The following XRCC5 variants were observed in gnomAD, a reference collection of about 807,000 sequenced individuals.
XRCC5 encodes X-ray repair cross complementing 5.
In XRCC5, 12 loss-of-function variants were observed where a neutral mutation model predicts 95.7. The ratio of observed to expected loss-of-function variants is 0.13; its 90% CI spans 0.08 to 0.20. XRCC5 has a LOEUF of 0.20. Ranked by LOEUF, XRCC5 falls within the 10% of genes least tolerant of loss-of-function variation. The probability of loss-of-function intolerance (pLI) is 1.00; values close to 1 mark genes in which losing one functional copy is unlikely to be tolerated. For synonymous variants in XRCC5, 281 were observed against 290.3 expected, an observed-to-expected ratio of 0.97 and a Z score of 0.33; for missense variants, 595 against 873.9, an observed-to-expected ratio of 0.68 and a Z score of 4.02.
At chr2:216,109,871 C>T (rs989988421) in intron 1 of XRCC5, among the ~76,000 whole-genome samples, 4 of 152,256 alleles carry the variant, frequency 2.6e-5, no homozygotes, top group Admixed American at 2.0e-4. Context: ...AAGCAACTAT[C>T]CCACAGGGCT....
intron 14 of XRCC5, chr2:216,156,642 G>A (rs1688848174): frequency 1.8e-6 from 1 of 556,244 alleles, no homozygotes; most frequent in Admixed American, 1.9e-5. Flanking sequence ...TACATATAGT[G>A]ACCCCAAATG....
At chr2:216,122,012 G>C (rs780385135) in intron 5 of XRCC5, 50 bp from the exon 6 acceptor site, 1 of 1,479,764 alleles carries the variant, frequency 6.8e-7, no homozygotes, top group Admixed American at 2.2e-5. Flanking sequence ...TAGCTGATGA[G>C]TTACAGTTAC....
intron 16 of XRCC5, among the ~76,000 whole-genome samples, chr2:216,173,196 A>G (rs56035134): frequency 0.15 from 23,376 of 152,076 alleles, 2,252 homozygotes; most frequent in South Asian, 0.28. Flanking sequence ...TTCTTCTTTT[A>G]TAACTTGTAA....
chr2:216,119,527 AT>A (rs925542773), intron 5 of XRCC5, among the ~76,000 whole-genome samples: 112 of 149,072 alleles, frequency 7.5e-4, no homozygotes, highest in African/African-American at 2.5e-3. Context: ...AGATTGATGG[AT>A]TTTTTTTTTT....
rs1688642437 is a variant in XRCC5 at position 216,146,715 on chromosome 2, G to T, written c.1477-1368G>T. On this transcript the variant is annotated intron_variant, in intron 13 of 20. Coordinates refer to ENST00000392132, the MANE Select transcript of XRCC5 (RefSeq NM_021141.4). ...CAAGGCCTGGCCCAGTAGACTTGAG[G>T]CAGGATAGGTGGTTGAATGAGGTGG... Among the ~76,000 whole-genome samples, 9 of 152,120 alleles carry T rather than the reference G, an allele frequency of 5.9e-5. No individual in the cohort carries two copies. The South Asian group carries it at 1.9e-3, about 32-fold the overall frequency.
intron 16 of XRCC5, among the ~76,000 whole-genome samples, chr2:216,187,994 C>A (rs990436234): frequency 1.3e-5 from 2 of 151,870 alleles, no homozygotes; most frequent in African/African-American, 4.8e-5. Context: ...CACGCTGTAC[C>A]CCTACCTCAG....
intron 19 of XRCC5, among the ~76,000 whole-genome samples, chr2:216,200,122 G>A (rs1033020798): frequency 1.3e-5 from 2 of 152,084 alleles, no homozygotes; most frequent in Non-Finnish European, 2.9e-5. Flanking sequence ...CTGGAATCCA[G>A]ACCCCCAGAT....
intron 16 of XRCC5, among the ~76,000 whole-genome samples, chr2:216,181,559 T>A (rs1020295300): frequency 1.2e-4 from 18 of 152,354 alleles, no homozygotes; most frequent in African/African-American, 4.1e-4. Context: ...TTCTTATCTT[T>A]ACCCCCAAAT....
chr2:216,131,046 T>C, intron 9 of XRCC5, 59 bp downstream of exon 9: 1 of 1,482,142 alleles, frequency 6.7e-7, no homozygotes, highest in Non-Finnish European at 9.2e-7. Flanking sequence ...AATGGTATGC[T>C]TTTGATTGGT....
At position 216,126,045 on chromosome 2, in the gene XRCC5, A is replaced by C; in HGVS notation, c.798+14A>C. The C allele has an allele frequency of 6.3e-7, 1 of 1,594,544 alleles. No homozygotes were observed. The highest frequency in any genetic ancestry group is 1.7e-5 in the Admixed American group (1 of 59,748). On this transcript the variant is annotated intron_variant, in intron 7 of 20. Coordinates refer to ENST00000392132, the MANE Select transcript of XRCC5 (RefSeq NM_021141.4). The stretch of plus-strand genomic sequence containing the variant: ...GCCTATAAATCGGTAAGTGGCAGGT[A>C]CACATTTTTAACAGAAATGTTACCA...
At chr2:216,192,027 T>A (rs1254837589) in intron 17 of XRCC5, among the ~76,000 whole-genome samples, 1 of 152,126 alleles carries the variant, frequency 6.6e-6, no homozygotes, top group Non-Finnish European at 1.5e-5. Flanking sequence ...AGAAGGAGTT[T>A]TACTCTTGTT....
chr2:216,147,036 C>G (rs73058463), intron 13 of XRCC5, among the ~76,000 whole-genome samples: 10,142 of 151,364 alleles, frequency 0.067, 1,109 homozygotes, highest in African/African-American at 0.23. Context: ...AATGATGGAG[C>G]CTATAAAAAA....
intron 19 of XRCC5, among the ~76,000 whole-genome samples, chr2:216,202,466 AT>A (rs1173697796): frequency 6.6e-6 from 1 of 152,186 alleles, no homozygotes; most frequent in Non-Finnish European, 1.5e-5. Context: ...AAATGTATAG[AT>A]TTTTTATTCA....
chr2:216,153,684 A>G (rs531170050), intron 14 of XRCC5, among the ~76,000 whole-genome samples: 2 of 152,330 alleles, frequency 1.3e-5, no homozygotes, highest in African/African-American at 4.8e-5. Flanking sequence ...AACTTGCCCA[A>G]GATTGTAGTT....
In XRCC5 at chr2:216,143,701, CT is replaced by C. The variant is rs1238978612; in HGVS notation, c.1476+2395del. Reference sequence around the variant, plus strand: ...CACGTGCGAAAGATACTATAAGCTGCTTTTTTTTTTTTTATTTTTATTTTGA... The same window carrying C: ...CACGTGCGAAAGATACTATAAGCTGCTTTTTTTTTTTTATTTTTATTTTGA... On this transcript the variant is annotated intron_variant, in intron 13 of 20. Coordinates refer to ENST00000392132, the MANE Select transcript of XRCC5 (RefSeq NM_021141.4). Among the ~76,000 whole-genome samples the C allele has an allele frequency of 3.8e-3, 545 of 142,550 alleles. 2 individuals are homozygous for C. Among genetic ancestry groups the C allele is most frequent in the African/African-American group, 7.4e-3 (291 of 39,246 alleles). The allele number at this position is 142,550 out of a possible 152,430, so 93.5% of individuals were successfully genotyped here.
intron 14 of XRCC5, among the ~76,000 whole-genome samples, chr2:216,157,227 T>C (rs12623886): frequency 0.076 from 7,938 of 104,760 alleles, 915 homozygotes; most frequent in East Asian, 0.52. Context: ...CTTTTTTTTT[T>C]GTTTTTTTTT....
chr2:216,142,002 C>T (rs111625503), intron 13 of XRCC5, among the ~76,000 whole-genome samples: 2 of 151,718 alleles, frequency 1.3e-5, no homozygotes, highest in African/African-American at 2.4e-5. Context: ...TGGAGTTAGC[C>T]GAGATCACGA....
chr2:216,121,821 T>C (rs1696817908), intron 5 of XRCC5, among the ~76,000 whole-genome samples: 1 of 152,202 alleles, frequency 6.6e-6, no homozygotes, highest in African/African-American at 2.4e-5. Context: ...TCCTAAGGCC[T>C]TGTGCCACCC....
At chr2:216,182,525 T>C (rs1689409305) in intron 16 of XRCC5, among the ~76,000 whole-genome samples, 1 of 152,204 alleles carries the variant, frequency 6.6e-6, no homozygotes, top group African/African-American at 2.4e-5. Context: ...TGGCAAGTTT[T>C]AGAATTCTAG....
Sources: gnomAD v4.1 joint callset for allele counts (sites outside exome capture counted in the v4.1 genomes callset) on GRCh38, gnomAD v4.1.1 for gene constraint, MANE v1.5 for transcripts, NCBI Gene and HGNC (gene_info 2026-07-23, HGNC 2026-07-21) for gene names.